Variants in OSBPL8 observed in about 807,000 individuals in gnomAD.
OSBPL8 encodes oxysterol-binding protein-related protein 8.
OSBPL8 carries 59 observed loss-of-function variants against 125.5 expected under a neutral mutation model. That is an observed-to-expected ratio of 0.47 (90% CI 0.38 to 0.58). OSBPL8 has a LOEUF of 0.58. Ranked by LOEUF, OSBPL8 falls within the 20% of genes least tolerant of loss-of-function variation. The probability of loss-of-function intolerance (pLI) is 0.00; values close to 1 mark genes in which losing one functional copy is unlikely to be tolerated. For synonymous variants in OSBPL8, 330 were observed against 338.9 expected, an observed-to-expected ratio of 0.97 and a Z score of 0.29; for missense variants, 758 against 1,047.8, an observed-to-expected ratio of 0.72 and a Z score of 3.82.
At position 76,545,489 on chromosome 12, in the gene OSBPL8, T is replaced by C. The variant is rs139312483; in HGVS notation, c.-68+13908A>G. ...TAAGCTGACGGTTCATTACTAAGGA[T>C]CAAAGCTTGAAATGCAAGATCTACA... On this transcript the variant is annotated intron_variant, in intron 1 of 23. Transcript: ENST00000261183. Among the ~76,000 whole-genome samples, 807 of 152,266 alleles carry C rather than the reference T, an allele frequency of 5.3e-3. 7 individuals carry two copies. Among genetic ancestry groups the C allele is most frequent in the African/African-American group, 0.019 (780 of 41,568 alleles).
Position 76,386,224 on chromosome 12 carries a change from G to A in OSBPL8, c.1477C>T (p.Arg493Cys), listed in dbSNP as rs368075869. The part of the protein sequence containing the change: ...PYNPILGETF[R>C]CLWIHPRTNS... ...GTTCTGGGATGAATCCATAAACAAC[G>A]GAAAGTCTCGCCAAGTATAGGATTA... is the stretch of plus-strand genomic sequence containing the variant. The change falls in exon 14 of 24, where the codon CGT becomes TGT. Residue 493 changes from arginine to cysteine, a missense_variant. Transcript: ENST00000261183. 11 of 1,610,750 alleles carry A rather than the reference G, an allele frequency of 6.8e-6. No individual in the cohort carries two copies. The highest frequency in any genetic ancestry group is 2.2e-5 in the East Asian group (1 of 44,682).
At chr12:76,491,614 T>C (rs1345339560) in intron 1 of OSBPL8, among the ~76,000 whole-genome samples, 1 of 152,216 alleles carries the variant, frequency 6.6e-6, no homozygotes, top group Non-Finnish European at 1.5e-5. Flanking sequence ...TATATGGTAA[T>C]TATTTGTTCC....
At chr12:76,387,931 C>T (rs771947620) in intron 12 of OSBPL8, among the ~76,000 whole-genome samples, 4 of 152,174 alleles carry the variant, frequency 2.6e-5, no homozygotes, top group African/African-American at 4.8e-5. Context: ...CCTACTTACC[C>T]TCTATAGGTA....
intron 17 of OSBPL8, among the ~76,000 whole-genome samples, chr12:76,373,841 A>G (rs2136209928): frequency 6.6e-6 from 1 of 151,956 alleles, no homozygotes; most frequent in South Asian, 2.1e-4. Context: ...CCCTTCCTTA[A>G]AAAACAAACA....
chr12:76,506,251 A>G (rs1880405698), intron 1 of OSBPL8, among the ~76,000 whole-genome samples: 1 of 152,200 alleles, frequency 6.6e-6, no homozygotes, highest in South Asian at 2.1e-4. Context: ...AGGGATGGAT[A>G]TCAGGAGCTC....
At chr12:76,475,419 G>T (rs1876684066) in intron 2 of OSBPL8, among the ~76,000 whole-genome samples, 1 of 152,186 alleles carries the variant, frequency 6.6e-6, no homozygotes, top group Non-Finnish European at 1.5e-5. Flanking sequence ...CTATTCTCCT[G>T]TTAAATAATT....
At chr12:76,383,971 C>T (rs1007638243) in intron 15 of OSBPL8, among the ~76,000 whole-genome samples, 70 of 152,208 alleles carry the variant, frequency 4.6e-4, no homozygotes, top group African/African-American at 1.6e-3. Context: ...AAAAACTGGC[C>T]AGACTAAAGG....
intron 1 of OSBPL8, among the ~76,000 whole-genome samples, chr12:76,494,435 T>C (rs1183470691): frequency 1.3e-5 from 2 of 152,108 alleles, no homozygotes; most frequent in Non-Finnish European, 2.9e-5. Flanking sequence ...GTATTGACAA[T>C]TATAGTGAGA....
At position 76,382,398 on chromosome 12, in the gene OSBPL8, C is replaced by T. The variant is rs192429879; in HGVS notation, c.1630+1856G>A. 1.5e-4 allele frequency among the ~76,000 whole-genome samples: 23 copies of T among 152,032 alleles called. No individual in the cohort carries two copies. In the East Asian group the frequency reaches 4.4e-3, roughly 29 times the overall value. On this transcript the variant is annotated intron_variant, in intron 15 of 23. Coordinates refer to ENST00000261183, the MANE Select transcript of OSBPL8 (RefSeq NM_020841.5). The stretch of plus-strand genomic sequence containing the variant: ...AGTGTAGGGCTTCTCAATGGTAGCA[C>T]TACTGACATTTAGGGGACTGGATAA...
intron 1 of OSBPL8, among the ~76,000 whole-genome samples, chr12:76,516,441 G>C (rs770233385): frequency 1.2e-4 from 19 of 152,134 alleles, no homozygotes; most frequent in Non-Finnish European, 2.2e-4. Flanking sequence ...CGTATTATAA[G>C]TATTCAGCTC....
Position 76,371,552 on chromosome 12 carries a change from A to C in OSBPL8, c.1950T>G (p.Thr650=). The C allele has an allele frequency of 6.2e-7, 1 of 1,609,378 alleles. No homozygotes were observed. Among genetic ancestry groups the C allele is most frequent in the East Asian group, 2.2e-5 (1 of 44,638 alleles). The change falls in exon 19 of 24, where the codon ACT becomes ACG. Residue 650 remains threonine (T), a synonymous_variant. Coordinates refer to ENST00000261183, the MANE Select transcript of OSBPL8 (RefSeq NM_020841.5). The part of the protein sequence containing the change: ...DSEVFITDKK[T]DNSEVFWNPT... ...GATTCCAGAAAACCTCTGAATTATC[A>C]GTCTTTTTATCAGTAATAAAAACTT...
At chr12:76,391,763 T>TA (rs1185775153) in intron 10 of OSBPL8, among the ~76,000 whole-genome samples, 2 of 151,348 alleles carry the variant, frequency 1.3e-5, no homozygotes, top group East Asian at 1.9e-4. Flanking sequence ...TCCCTGGCTC[T>TA]AAAAAATTTT....
chr12:76,552,444 A>G (rs1950972540), intron 1 of OSBPL8, among the ~76,000 whole-genome samples: 1 of 151,420 alleles, frequency 6.6e-6, no homozygotes, highest in South Asian at 2.1e-4. Context: ...AAAAAAAAAA[A>G]AAAAAAAAAA....
intron 1 of OSBPL8, among the ~76,000 whole-genome samples, chr12:76,505,152 T>C (rs1880289546): frequency 6.6e-6 from 1 of 152,176 alleles, no homozygotes; most frequent in Non-Finnish European, 1.5e-5. Context: ...CTTTCTCTTT[T>C]GCAATTTCCC....
intron 4 of OSBPL8, among the ~76,000 whole-genome samples, chr12:76,435,186 G>GCA (rs1871308861): frequency 7.1e-6 from 1 of 140,742 alleles, no homozygotes; most frequent in African/African-American, 2.7e-5. Flanking sequence ...GTGTGTGTGT[G>GCA]CATATATACA....
rs1447415058 is a variant in OSBPL8 at position 76,392,637 on chromosome 12, A to G, written c.873T>C (p.His291=). The change falls in exon 10 of 24, where the codon CAT becomes CAC. Residue 291 remains histidine (H), a synonymous_variant. Coordinates refer to ENST00000261183, the MANE Select transcript of OSBPL8 (RefSeq NM_020841.5). The part of the protein sequence containing the change: ...HDLSVSSDST[H]VTFYGLLRAN... ...CACGTAGTAAGCCATAGAAAGTCACATGTGTGCTATCTGATGAAACGCTCA... is the reference window on the plus strand; with the variant it reads ...CACGTAGTAAGCCATAGAAAGTCACGTGTGTGCTATCTGATGAAACGCTCA... 6 of 1,613,958 alleles carry G rather than the reference A, an allele frequency of 3.7e-6. No homozygotes were observed. The African/African-American group carries it at 6.7e-5, about 18-fold the overall frequency.
chr12:76,497,223 C>G (rs1325105540), intron 1 of OSBPL8, among the ~76,000 whole-genome samples: 1 of 148,870 alleles, frequency 6.7e-6, no homozygotes, highest in Non-Finnish European at 1.5e-5. Flanking sequence ...AAGGGCCACA[C>G]AGCAAACAGA....
chr12:76,418,666 T>C (rs779009509), intron 4 of OSBPL8, among the ~76,000 whole-genome samples: 1 of 151,502 alleles, frequency 6.6e-6, no homozygotes, highest in Non-Finnish European at 1.5e-5. Flanking sequence ...CCCCCATCTC[T>C]ACTAAAAATA....
intron 1 of OSBPL8, among the ~76,000 whole-genome samples, chr12:76,553,813 T>C (rs1347530186): frequency 6.6e-6 from 1 of 151,450 alleles, no homozygotes; most frequent in Non-Finnish European, 1.5e-5. Context: ...CCATCTCTAC[T>C]AAAAATACAA....
Sources: allele counts gnomAD v4.1 joint callset (sites outside exome capture counted in the v4.1 genomes callset), GRCh38; gene constraint gnomAD v4.1.1; transcripts MANE v1.5; gene names NCBI Gene and HGNC (gene_info 2026-07-23, HGNC 2026-07-21).